C1S: variants seen among roughly 807,000 people sequenced by gnomAD.
The protein encoded by C1S is complement C1s subcomponent.
C1S carries 31 observed loss-of-function variants against 54.0 expected under a neutral mutation model. That is an observed-to-expected ratio of 0.57 (90% confidence interval 0.43 to 0.78). The LOEUF is 0.78. Among genes scored for constraint, C1S ranks in the 30% least tolerant of loss-of-function variants. The probability of loss-of-function intolerance (pLI) is 0.00; values close to 1 mark genes in which losing one functional copy is unlikely to be tolerated. For missense variants in C1S, 727 were observed against 851.8 expected, an observed-to-expected ratio of 0.85 and a Z score of 1.82; for synonymous variants, 292 against 303.6, an observed-to-expected ratio of 0.96 and a Z score of 0.40.
intron 5 of C1S, 32 bp downstream of exon 5, chr12:7,064,424 C>G: frequency 1.2e-6 from 2 of 1,613,814 alleles, no homozygotes; most frequent in Non-Finnish European, 1.7e-6. Flanking sequence ...TTGCATGTTC[C>G]CTGGGATTTG....
At chr12:7,069,775 A>AT in intron 11 of C1S, 80 bp from the exon 12 acceptor site, 3 of 1,209,938 alleles carry the variant, frequency 2.5e-6, no homozygotes, top group Non-Finnish European at 2.5e-6. Flanking sequence ...AGCAGGTAAC[A>AT]TTATGTGAGT....
At position 7,061,841 on chromosome 12, in the gene C1S, T is replaced by C; in HGVS notation, c.-72T>C. 1 of 1,591,354 alleles carries C rather than the reference T, an allele frequency of 6.3e-7. No individual in the cohort carries two copies. Among genetic ancestry groups the C allele is most frequent in the Non-Finnish European group, 8.6e-7 (1 of 1,159,690 alleles). On this transcript the variant is annotated splice_region_variant and 5_prime_UTR_variant, in exon 2 of 12. Transcript: ENST00000360817. ...CAGCCAGGCCTGCCACCCCTTAGGC[T>C]CCAAAGTCCGGAGGTGCAGAAAGCC...
Position 7,067,639 on chromosome 12 carries a change from G to A in C1S, c.1067-4G>A. On this transcript the variant is annotated splice_region_variant and splice_polypyrimidine_tract_variant and intron_variant, in intron 9 of 11. Coordinates refer to ENST00000360817, the MANE Select transcript of C1S (RefSeq NM_001734.5). ...ACCATCGCTCTCCTTCCTTCGTCTG[G>A]TAGCTGTGGACTGTGGCATTCCTGA... The A allele has an allele frequency of 6.2e-7, 1 of 1,613,916 alleles. No homozygotes were observed. Among genetic ancestry groups the A allele is most frequent in the Non-Finnish European group, 8.5e-7 (1 of 1,179,968 alleles).
chr12:7,068,846 C>T (rs1233157805), intron 11 of C1S: 1 of 384,370 alleles, frequency 2.6e-6, no homozygotes, highest in Non-Finnish European at 4.9e-6. Flanking sequence ...GAGTAATCAA[C>T]ACTCAGAAAC....
chr12:7,062,038 G>A (rs1947096710), intron 2 of C1S, 121 bp downstream of exon 2: 5 of 988,634 alleles, frequency 5.1e-6, no homozygotes, highest in African/African-American at 1.6e-5. Flanking sequence ...GGGAGGCTGA[G>A]GCGGGAGGAT....
Position 7,070,752 on chromosome 12 carries a change from C to T in C1S, c.*101C>T, listed in dbSNP as rs781983212. ...ATTTCATCATGACTGAAAGAAGACA[C>T]GAGCGAATGATTTAAATAGAACTTG... is the stretch of plus-strand genomic sequence containing the variant. On this transcript the variant is annotated 3_prime_UTR_variant, in exon 12 of 12. Coordinates refer to ENST00000360817, the MANE Select transcript of C1S (RefSeq NM_001734.5). The surrounding 1 kb of genome is among the most constrained non-coding windows in gnomAD (Gnocchi z 4.9). 1.2e-5 allele frequency: 12 copies of T among 999,738 alleles called. No homozygotes were observed. Among genetic ancestry groups the T allele is most frequent in the Admixed American group, 3.5e-5 (2 of 56,698 alleles). 61.9% of individuals were successfully genotyped at this position (999,738 alleles called of 1,614,324 possible).
chr12:7,068,496 G>C lies in C1S; in HGVS notation c.1236G>C (p.Glu412Asp), dbSNP rs199547819. ...CTGGTAACGGGAGCTGGGTGAATGA[G>C]GTGCTGGGCCCGGAGCTGCCGAAAT... is the stretch of plus-strand genomic sequence containing the variant. ...HCAGNGSWVN[E>D]VLGPELPKCV... Residue 412 changes from glutamate (E) to aspartate (D), a missense_variant, in exon 11 of 12, where the codon GAG (glutamate) becomes GAC (aspartate). Around this residue, in one of 3 missense-constraint regions of C1S, gnomAD observed 360 missense variants for 453.6 expected, o/e 0.79. Coordinates refer to ENST00000360817, the MANE Select transcript of C1S (RefSeq NM_001734.5). The C allele has an allele frequency of 4.3e-5, 70 of 1,613,986 alleles. No homozygotes were observed. In the Admixed American group the frequency reaches 1.1e-3, roughly 25 times the overall value.
intron 1 of C1S, 73 bp from the exon 2 acceptor site, chr12:7,061,766 C>A (rs1429850779): frequency 1.2e-6 from 1 of 801,234 alleles, no homozygotes. Context: ...CACTGAGCCC[C>A]AGGTGACGCC....
At chr12:7,062,334 T>C in intron 2 of C1S, 141 bp from the exon 3 acceptor site, 2 of 721,778 alleles carry the variant, frequency 2.8e-6, no homozygotes, top group South Asian at 3.0e-5. Flanking sequence ...GGCCTTTTCT[T>C]TATTCCGACC....
In C1S at chr12:7,065,215, G is replaced by A. The variant is rs1243436932; in HGVS notation, c.633G>A (p.Gly211=). Residue 211 remains glycine (G), a synonymous_variant, in exon 6 of 12, where the codon GGG becomes GGA. Coordinates refer to ENST00000360817, the MANE Select transcript of C1S (RefSeq NM_001734.5). ...RCEYQIRLEK[G]FQVVVTLRRE... ...AATACCAGATCCGGTTGGAGAAAGG[G>A]TTCCAAGTGGTGGTGACCTTGCGGA... is the stretch of plus-strand genomic sequence containing the variant. The A allele has an allele frequency of 6.2e-6, 10 of 1,614,000 alleles. No homozygotes were observed. Among genetic ancestry groups the A allele is most frequent in the African/African-American group, 1.3e-5 (1 of 74,928 alleles).
At chr12:7,062,794 A>T in intron 3 of C1S, 96 bp from the exon 4 acceptor site, 1 of 1,500,186 alleles carries the variant, frequency 6.7e-7, no homozygotes, top group East Asian at 2.3e-5. Flanking sequence ...GTCAAGTCCT[A>T]GTGGCATAAA....
chr12:7,065,042 C>A, intron 5 of C1S, 58 bp from the exon 6 acceptor site: 1 of 1,383,136 alleles, frequency 7.2e-7, no homozygotes, highest in Non-Finnish European at 1.0e-6. Flanking sequence ...TAGAATAGTG[C>A]AGGAATTCCT....
chr12:7,067,811 A>G (rs782520020), intron 10 of C1S, 40 bp downstream of exon 10: 4 of 1,600,346 alleles, frequency 2.5e-6, no homozygotes, highest in Non-Finnish European at 3.4e-6. Flanking sequence ...AGAGAGTGAG[A>G]AGGTGTTGGA....
intron 6 of C1S, chr12:7,065,520 T>C (rs1008761970): frequency 1.6e-6 from 1 of 634,426 alleles, no homozygotes; most frequent in Non-Finnish European, 2.8e-6. Context: ...CAAACCCAGC[T>C]AATATTTTTA....
Position 7,062,714 on chromosome 12 carries a change from G to A in C1S, c.213+32G>A, listed in dbSNP as rs116110329. ...TATAAGCACAAAAAGAATAGAGATG[G>A]AAGACTAGGGCTAAGGTAGCGGAAT... On this transcript the variant is annotated intron_variant, in intron 3 of 11. Transcript: ENST00000360817. The A allele has an allele frequency of 1.1e-3, 1,769 of 1,594,158 alleles. 20 individuals carry two copies. The African/African-American group carries it at 0.021, about 19-fold the overall frequency.
At position 7,070,082 on chromosome 12, in the gene C1S, T is replaced by C; in HGVS notation, c.1498T>C (p.Ser500Pro). The C allele has an allele frequency of 1.2e-6, 2 of 1,614,088 alleles. No individual in the cohort carries two copies. The highest frequency in any genetic ancestry group is 1.7e-6 in the Non-Finnish European group (2 of 1,180,006). The change falls in exon 12 of 12, where the codon TCC (serine) becomes CCC (proline). Residue 500 changes from serine to proline, a missense_variant. Around this residue, in one of 3 missense-constraint regions of C1S, gnomAD observed 360 missense variants for 453.6 expected, o/e 0.79. Transcript: ENST00000360817. The surrounding 1 kb of genome is among the most constrained non-coding windows in gnomAD (Gnocchi z 4.9). ...TSVQTSRLAK[S>P]KMLTPEHVFI... The stretch of plus-strand genomic sequence containing the variant: ...AGTGCAGACCTCACGGCTGGCAAAA[T>C]CCAAGATGCTCACTCCTGAGCATGT...
chr12:7,063,100 A>G, intron 4 of C1S, 33 bp downstream of exon 4: 2 of 1,583,682 alleles, frequency 1.3e-6, no homozygotes, highest in Non-Finnish European at 1.7e-6. Context: ...TGCCTTATTG[A>G]CCCAGCTAAA....
At chr12:7,065,047 A>G (rs1947152638) in intron 5 of C1S, 53 bp from the exon 6 acceptor site, 4 of 1,433,750 alleles carry the variant, frequency 2.8e-6, no homozygotes, top group Non-Finnish European at 3.9e-6. Context: ...TAGTGCAGGA[A>G]TTCCTTTGCT....
rs1045569873 is a variant in C1S, at chr12:7,063,943, T to C, written c.392-324T>C. The C allele has an allele frequency of 4.5e-5, 21 of 467,078 alleles. No individual in the cohort carries two copies. In the East Asian group the frequency reaches 1.3e-3, roughly 29 times the overall value. The allele number at this position is 467,078 out of a possible 1,614,324, so 28.9% of individuals were successfully genotyped here. On this transcript the variant is annotated intron_variant, in intron 4 of 11. Coordinates refer to ENST00000360817, the MANE Select transcript of C1S (RefSeq NM_001734.5). ...CCTCGGGAGGTAGAGGCGTGAGACT[T>C]GTTTGAACTTGCTTGAAAATGTGGA...
Sources: gnomAD v4.1 joint callset for allele counts on GRCh38, gnomAD v4.1.1 for gene constraint, gnomAD v4.1.1 regional missense constraint, Gnocchi (gnomAD v3.1) non-coding constraint, MANE v1.5 for transcripts, NCBI Gene and HGNC (gene_info 2026-07-23, HGNC 2026-07-21) for gene names.